Variants in CCT4 observed in about 807,000 individuals in gnomAD.
The protein encoded by CCT4 is chaperonin containing TCP1 subunit 4.
CCT4 carries 17 observed loss-of-function variants against 62.5 expected under a neutral mutation model. That is an observed-to-expected ratio of 0.27 (90% CI 0.19 to 0.41). The LOEUF is 0.41. Ranked by LOEUF, CCT4 falls within the 10% of genes least tolerant of loss-of-function variation. The pLI is 1.00. For missense variants in CCT4, 592 were observed against 659.2 expected (o/e 0.90, Z 1.12); for synonymous variants, 250 against 229.9 (o/e 1.09, Z -0.79).
intron 4 of CCT4, 113 bp from the exon 5 acceptor site, chr2:61,879,124 A>C: frequency 1.4e-6 from 1 of 708,720 alleles, no homozygotes; most frequent in Non-Finnish European, 2.3e-6. Context: ...ACTATTCTTA[A>C]TTACAAACTT....
chr2:61,875,082 T>G (rs2105129607), intron 8 of CCT4, among the ~76,000 whole-genome samples: 1 of 149,270 alleles, frequency 6.7e-6, no homozygotes, highest in East Asian at 2.0e-4. Context: ...GCGGGGGTTG[T>G]GGTGAACCGA....
chr2:61,887,767 CA>C (rs910728975), intron 1 of CCT4, among the ~76,000 whole-genome samples: 4 of 151,930 alleles, frequency 2.6e-5, no homozygotes, highest in African/African-American at 7.2e-5. Flanking sequence ...CACACTTCCA[CA>C]AAAAAAACAA....
intron 5 of CCT4, 129 bp from the exon 6 acceptor site, chr2:61,877,643 A>G (rs774655406): frequency 1.4e-5 from 9 of 628,184 alleles, no homozygotes; most frequent in Admixed American, 3.5e-5. Context: ...AGAGGGAAAC[A>G]CTCATGAGAA....
intron 10 of CCT4, 62 bp downstream of exon 10, chr2:61,872,940 A>T: frequency 7.1e-6 from 7 of 982,880 alleles, no homozygotes; most frequent in Non-Finnish European, 1.1e-5. Flanking sequence ...AAAAGAAAAA[A>T]AACAACCTAA....
In CCT4 at chr2:61,873,373, C is replaced by T. The variant is rs566706824; in HGVS notation, c.918-80G>A. 4 of 666,262 alleles carry T rather than the reference C, an allele frequency of 6.0e-6. No individual in the cohort carries two copies. The South Asian group carries it at 7.4e-5, about 12-fold the overall frequency. The allele number at this position is 666,262 out of a possible 1,614,324, so 41.3% of individuals were successfully genotyped here. A position where few individuals can be genotyped will look rare whatever the true frequency, so the allele number is the denominator to read the frequency against. On this transcript the variant is annotated intron_variant, in intron 8 of 13. Coordinates refer to ENST00000394440, the MANE Select transcript of CCT4 (RefSeq NM_006430.4). ...TCAAATGCCTTTAAGGTTTTAATTACTGTTTCTTAAATGGCCAATCATTAT... is the reference window on the plus strand; with the variant it reads ...TCAAATGCCTTTAAGGTTTTAATTATTGTTTCTTAAATGGCCAATCATTAT...
At chr2:61,882,751 T>C (rs764803674) in intron 3 of CCT4, among the ~76,000 whole-genome samples, 4 of 151,818 alleles carry the variant, frequency 2.6e-5, no homozygotes, top group Non-Finnish European at 4.4e-5. Context: ...GCTCAAGCAA[T>C]CCTCCCACCT....
chr2:61,873,551 T>C (rs925942703), intron 8 of CCT4, among the ~76,000 whole-genome samples: 1 of 148,570 alleles, frequency 6.7e-6, no homozygotes, highest in African/African-American at 2.4e-5. Context: ...CATTATTTTT[T>C]CCCCATTTAT....
At position 61,888,268 on chromosome 2, in the gene CCT4, G is replaced by A. The variant is rs574211815; in HGVS notation, c.127+113C>T. ...TCCACTGGGCTGCTTCTATAGGGAG[G>A]ACAAGAGAGGATCACCCGAAGAAAT... On this transcript the variant is annotated intron_variant, in intron 1 of 13. Transcript: ENST00000394440. 146 of 1,301,190 alleles carry A rather than the reference G, an allele frequency of 1.1e-4. 3 individuals are homozygous for A. The South Asian group carries it at 1.6e-3, about 14-fold the overall frequency. 80.6% of individuals were successfully genotyped at this position (1,301,190 alleles called of 1,614,324 possible).
Position 61,873,179 on chromosome 2 carries a change from C to G in CCT4, c.1014+18G>C. ...AATTATCAGACATTTTCCACAAATA[C>G]AGATGTTAATGTTTTACCTTACAAA... is the stretch of plus-strand genomic sequence containing the variant. On this transcript the variant is annotated intron_variant, in intron 9 of 13. Transcript: ENST00000394440. The G allele has an allele frequency of 7.0e-7, 1 of 1,428,056 alleles. No homozygotes were observed. Among genetic ancestry groups the G allele is most frequent in the East Asian group, 2.3e-5 (1 of 44,106 alleles). 88.5% of individuals were successfully genotyped at this position (1,428,056 alleles called of 1,614,324 possible). A position where few individuals can be genotyped will look rare whatever the true frequency, so the allele number is the denominator to read the frequency against.
intron 12 of CCT4, among the ~76,000 whole-genome samples, chr2:61,870,394 T>C (rs948584740): frequency 6.6e-6 from 1 of 152,340 alleles, no homozygotes; most frequent in Non-Finnish European, 1.5e-5. Context: ...CCTTAAATTC[T>C]TCATTGCACC....
At chr2:61,879,056 T>C (rs1342606575) in intron 4 of CCT4, 45 bp from the exon 5 acceptor site, 3 of 1,449,088 alleles carry the variant, frequency 2.1e-6, no homozygotes, top group African/African-American at 1.4e-5. Flanking sequence ...ACAGGTAAAC[T>C]ACACATTTGA....
intron 1 of CCT4, 105 bp from the exon 2 acceptor site, chr2:61,885,177 A>T (rs1375682436): frequency 1.2e-5 from 9 of 724,414 alleles, no homozygotes; most frequent in Non-Finnish European, 1.9e-5. Context: ...CCTGGGCTCA[A>T]GCAACCCTCC....
intron 4 of CCT4, among the ~76,000 whole-genome samples, chr2:61,879,428 A>T (rs1482826025): frequency 1.4e-5 from 2 of 138,680 alleles, no homozygotes; most frequent in Admixed American, 1.5e-4. Flanking sequence ...CACCCGGCTA[A>T]TTTTTTTTGT....
At position 61,868,556 on chromosome 2, in the gene CCT4, T is replaced by C. The variant is rs775992804; in HGVS notation, c.*136A>G. ...TTCATTAAATTGTTTCAATACAACT[T>C]CAGGCAAATGCCAACTGGAAGACCA... is the stretch of plus-strand genomic sequence containing the variant. On this transcript the variant is annotated 3_prime_UTR_variant, in exon 14 of 14. Transcript: ENST00000394440. The C allele has an allele frequency of 2.7e-5, 17 of 637,510 alleles. No homozygotes were observed. The highest frequency in any genetic ancestry group is 3.9e-5 in the Non-Finnish European group (14 of 354,856). 39.5% of individuals were successfully genotyped at this position (637,510 alleles called of 1,614,324 possible). A position where few individuals can be genotyped will look rare whatever the true frequency, so the allele number is the denominator to read the frequency against.
At chr2:61,877,078 G>A (rs374222854) in intron 6 of CCT4, 26 bp from the exon 7 acceptor site, 7 of 1,605,080 alleles carry the variant, frequency 4.4e-6, no homozygotes, top group African/African-American at 1.3e-5. Context: ...AACAAAGAGG[G>A]GTAGTTAAGA....
At position 61,876,192 on chromosome 2, in the gene CCT4, G is replaced by C; in HGVS notation, c.820C>G (p.Arg274Gly). The change falls in exon 8 of 14, where the codon CGA becomes GGA. Residue 274 changes from arginine to glycine, a missense_variant. Coordinates refer to ENST00000394440, the MANE Select transcript of CCT4 (RefSeq NM_006430.4). ...IVVSDYAQMDRVLREERAYIL... is the reference protein window; with the variant it reads ...IVVSDYAQMDGVLREERAYIL... ...TAGGCTCTCTCTTCTCGCAGCACTCGGTCCATCTGGGCATAGTCAGAAACC... is the reference window on the plus strand; with the variant it reads ...TAGGCTCTCTCTTCTCGCAGCACTCCGTCCATCTGGGCATAGTCAGAAACC... 1 of 1,608,698 alleles carries C rather than the reference G, an allele frequency of 6.2e-7. No homozygotes were observed. Among genetic ancestry groups the C allele is most frequent in the Non-Finnish European group, 8.5e-7 (1 of 1,176,204 alleles).
chr2:61,872,717 G>A, intron 10 of CCT4, 129 bp from the exon 11 acceptor site: 2 of 856,018 alleles, frequency 2.3e-6, no homozygotes, highest in African/African-American at 1.7e-5. Flanking sequence ...AACGAGGTGA[G>A]GAGATCGAGA....
At chr2:61,883,011 T>C (rs1669151802) in intron 3 of CCT4, among the ~76,000 whole-genome samples, 1 of 152,162 alleles carries the variant, frequency 6.6e-6, no homozygotes, top group Non-Finnish European at 1.5e-5. Flanking sequence ...AGCACAATGT[T>C]AGGCACACAA....
chr2:61,884,372 C>G (rs778263438), intron 2 of CCT4, among the ~76,000 whole-genome samples: 1 of 152,090 alleles, frequency 6.6e-6, no homozygotes, highest in African/African-American at 2.4e-5. Flanking sequence ...TGCGCGATCT[C>G]GGCTCACTGC....
Sources: allele counts gnomAD v4.1 joint callset (sites outside exome capture counted in the v4.1 genomes callset), GRCh38; gene constraint gnomAD v4.1.1; transcripts MANE v1.5; gene names NCBI Gene and HGNC (gene_info 2026-07-23, HGNC 2026-07-21).